TRIM36: variants seen among roughly 807,000 people sequenced by gnomAD.
TRIM36 encodes the protein tripartite motif containing 36, also known as E3 ubiquitin-protein ligase TRIM36.
A neutral mutation model predicts 72.4 loss-of-function variants in TRIM36; 42 were observed. That is an observed-to-expected ratio of 0.58 (90% CI 0.45 to 0.75). The LOEUF (loss-of-function observed/expected upper bound fraction) is 0.75. Among genes scored for constraint, TRIM36 ranks in the 30% least tolerant of loss-of-function variants. The pLI is 0.00. For synonymous variants in TRIM36, 315 were observed against 282.8 expected, an observed-to-expected ratio of 1.11 and a Z score of -1.14; for missense variants, 913 against 857.1, an observed-to-expected ratio of 1.07 and a Z score of -0.81.
At chr5:115,179,752 G>GA (rs1236546145) in intron 1 of TRIM36, among the ~76,000 whole-genome samples, 4 of 152,252 alleles carry the variant, frequency 2.6e-5, no homozygotes, top group African/African-American at 4.8e-5. Flanking sequence ...AAAAGCGTCC[G>GA]AAAGTCCCCT....
intron 8 of TRIM36, among the ~76,000 whole-genome samples, chr5:115,132,127 A>C (rs1752715934): frequency 6.6e-6 from 1 of 151,816 alleles, no homozygotes. Flanking sequence ...ACTTGAGTTC[A>C]GGAGTTTGAG....
upstream of TRIM36, among the ~76,000 whole-genome samples, chr5:115,172,517 C>T (rs1755161235): frequency 6.6e-6 from 1 of 152,182 alleles, no homozygotes; most frequent in Admixed American, 6.5e-5. Context: ...AGGTGGATCA[C>T]CTGAGGTCGG....
At chr5:115,137,640 T>C (rs1345042836) in intron 5 of TRIM36, 24 bp from the exon 6 acceptor site, 1 of 1,539,324 alleles carries the variant, frequency 6.5e-7, no homozygotes, top group Non-Finnish European at 8.7e-7. Flanking sequence ...GTATCTCCAT[T>C]ACACTAAGAT....
chr5:115,164,708 G>A (rs1315424623), intron 1 of TRIM36, among the ~76,000 whole-genome samples: 3 of 152,088 alleles, frequency 2.0e-5, no homozygotes, highest in African/African-American at 2.4e-5. Context: ...TGTGGCCCTG[G>A]CCCCTCCCAA....
chr5:115,126,903 G>A lies in TRIM36; in HGVS notation c.1797-46C>T, dbSNP rs776434744. On this transcript the variant is annotated intron_variant, in intron 9 of 9. Transcript: ENST00000513154. ...TCTGTATCTTCAACAATAGATCTAAGTATCTTCAAAACATTTTCACAGGAT... is the reference window on the plus strand; with the variant it reads ...TCTGTATCTTCAACAATAGATCTAAATATCTTCAAAACATTTTCACAGGAT... 6 of 1,521,566 alleles carry A rather than the reference G, an allele frequency of 3.9e-6. No homozygotes were observed. The African/African-American group carries it at 7.0e-5, about 18-fold the overall frequency. The allele number at this position is 1,521,566 out of a possible 1,614,324, so 94.3% of individuals were successfully genotyped here.
intron 3 of TRIM36, among the ~76,000 whole-genome samples, chr5:115,145,403 T>C (rs1203373878): frequency 2.6e-5 from 4 of 152,234 alleles, no homozygotes; most frequent in Non-Finnish European, 4.4e-5. Context: ...TGTTTTCATT[T>C]GAAAGAAAGG....
At chr5:115,129,589 G>A (rs983936012) in intron 9 of TRIM36, among the ~76,000 whole-genome samples, 1 of 152,044 alleles carries the variant, frequency 6.6e-6, no homozygotes, top group Non-Finnish European at 1.5e-5. Flanking sequence ...AAGATAAGAT[G>A]TATGCCCTAA....
At chr5:115,128,668 CGTGAACCCAGGAAGCGGAGCTTGCAGT>C (rs1185421760) in intron 9 of TRIM36, among the ~76,000 whole-genome samples, 21 of 136,546 alleles carry the variant, frequency 1.5e-4, no homozygotes, top group African/African-American at 5.8e-4. Context: ...AGGAGAATGG[CGTGAACCCAGGAAGCGGAGCTTGCAGT>C]GAGCTGAGAT....
intron 2 of TRIM36, among the ~76,000 whole-genome samples, chr5:115,150,926 A>G (rs1753856490): frequency 6.6e-6 from 1 of 152,222 alleles, no homozygotes; most frequent in Non-Finnish European, 1.5e-5. Context: ...CTGGCCTCAC[A>G]GGGGTCCTTC....
intron 4 of TRIM36, among the ~76,000 whole-genome samples, 192 bp from the exon 5 acceptor site, chr5:115,141,566 A>G (rs944518031): frequency 2.0e-5 from 3 of 152,192 alleles, no homozygotes; most frequent in Non-Finnish European, 4.4e-5. Context: ...GGGCCAAAGG[A>G]TGTATGAAAG....
chr5:115,147,352 G>C lies in TRIM36; in HGVS notation c.305C>G (p.Pro102Arg), dbSNP rs200194772. ...CACATCATGCTCACAGCCAGGGCAA[G>C]GGAAAACAGTTGTCCTCGGGGTCAA... Reference protein sequence around the residue: ...NSLTPRTTVFPCPGCEHDVDL... With the variant: ...NSLTPRTTVFRCPGCEHDVDL... Residue 102 changes from proline (P) to arginine (R), a missense_variant, in exon 3 of 10, where the codon CCT becomes CGT. By Grantham distance (103) the Pro-to-Arg change is moderately radical (BLOSUM62 -2). Transcript: ENST00000513154. The C allele has an allele frequency of 4.3e-6, 7 of 1,613,782 alleles. No homozygotes were observed. Among genetic ancestry groups the C allele is most frequent in the South Asian group, 1.1e-5 (1 of 91,082 alleles).
upstream of TRIM36, chr5:115,171,186 C>T (rs759099940): frequency 3.7e-6 from 6 of 1,614,170 alleles, no homozygotes; most frequent in East Asian, 2.2e-5. Context: ...TTCCCACAGC[C>T]CTGTCTGCAG....
chr5:115,134,133 C>T lies in TRIM36; in HGVS notation c.1225G>A (p.Glu409Lys), dbSNP rs779017179. 3 of 1,592,212 alleles carry T rather than the reference C, an allele frequency of 1.9e-6. No homozygotes were observed. The highest frequency in any genetic ancestry group is 2.3e-5 in the East Asian group (1 of 44,358). ...ACTTTGCTCTGTTCCTCATTGATCT[C>T]TGGCACGTCTATGCCTGAAAGAATT... ...SFFSSGIDVPEINEEQSKVYN... is the reference protein window; with the variant it reads ...SFFSSGIDVPKINEEQSKVYN... The change falls in exon 8 of 10, where the codon GAG becomes AAG. Residue 409 changes from glutamate (E) to lysine (K), a missense_variant. By Grantham distance (56) the Glu-to-Lys change is moderately conservative (BLOSUM62 1). Coordinates refer to ENST00000513154, the MANE Select transcript of TRIM36 (RefSeq NM_001300759.2).
intron 5 of TRIM36, 113 bp downstream of exon 5, chr5:115,141,166 C>T (rs1580658317): frequency 1.3e-6 from 1 of 744,398 alleles, no homozygotes; most frequent in African/African-American, 1.8e-5. Flanking sequence ...TGAAATCTAA[C>T]ACAACTTTGT....
chr5:115,129,504 G>T (rs1048407769), intron 9 of TRIM36, among the ~76,000 whole-genome samples: 4 of 152,174 alleles, frequency 2.6e-5, no homozygotes, highest in African/African-American at 9.7e-5. Flanking sequence ...GTTGCGGTGA[G>T]CCAAGATCGC....
chr5:115,128,391 T>C (rs959622525), intron 9 of TRIM36, among the ~76,000 whole-genome samples: 3 of 149,876 alleles, frequency 2.0e-5, no homozygotes, highest in African/African-American at 2.5e-5. Flanking sequence ...AAAATGTATA[T>C]AGATGTACAA....
chr5:115,150,502 G>T (rs1753831438), intron 2 of TRIM36, among the ~76,000 whole-genome samples: 1 of 152,072 alleles, frequency 6.6e-6, no homozygotes, highest in Non-Finnish European at 1.5e-5. Context: ...CAATGAAAAA[G>T]AAAAACAGAG....
At chr5:115,154,735 C>A (rs1327554237) in intron 2 of TRIM36, among the ~76,000 whole-genome samples, 2 of 152,176 alleles carry the variant, frequency 1.3e-5, no homozygotes, top group African/African-American at 4.8e-5. Flanking sequence ...GATGGATTCA[C>A]AGCAGAATTC....
chr5:115,134,342 T>C (rs559850991), intron 7 of TRIM36, among the ~76,000 whole-genome samples, 195 bp from the exon 8 acceptor site: 27 of 152,002 alleles, frequency 1.8e-4, no homozygotes, highest in Non-Finnish European at 2.6e-4. Context: ...GGTATATCTA[T>C]ATTTGTAACT....
Sources: allele counts gnomAD v4.1 joint callset (sites outside exome capture counted in the v4.1 genomes callset), GRCh38; gene constraint gnomAD v4.1.1; transcripts MANE v1.5; gene names NCBI Gene and HGNC (gene_info 2026-07-23, HGNC 2026-07-21).